Variants in OR3A2 observed in about 807,000 individuals in gnomAD.
OR3A2 encodes the protein olfactory receptor family 3 subfamily A member 2, also known as olfactory receptor 3A2.
For missense variants in OR3A2, 318 were observed against 392.8 expected, an observed-to-expected ratio of 0.81 and a Z score of 1.61; for synonymous variants, 126 against 159.3, an observed-to-expected ratio of 0.79 and a Z score of 1.57.
At chr17:3,360,605 A>G (rs573766128) in intron 2 of OR3A2, among the ~76,000 whole-genome samples, 18 of 151,788 alleles carry the variant, frequency 1.2e-4, no homozygotes, top group African/African-American at 4.4e-4. Context: ...TAAGGTGTAA[A>G]GAAGGGATCC....
At chr17:3,308,398 C>CG (rs2049013960) in intron 3 of OR3A2, among the ~76,000 whole-genome samples, 2 of 152,250 alleles carry the variant, frequency 1.3e-5, no homozygotes, top group Non-Finnish European at 1.5e-5. Flanking sequence ...GGGTGAGTCT[C>CG]ATCTCAAGAC....
rs1308962105 is a variant in OR3A2, at chr17:3,375,166, TTTTC to T, written c.-179+8634_-179+8637del. On this transcript the variant is annotated intron_variant, in intron 2 of 4. Transcript: ENST00000573491. ...TTTTTTTTTTTTTTTTTTTTTTTTT[TTTTC>T]TTTTTGAGACAGTCTCACTCAGTTG... Among the ~76,000 whole-genome samples, 45 of 113,188 alleles carry T rather than the reference TTTTC, an allele frequency of 4.0e-4. 5 individuals are homozygous for T. Among genetic ancestry groups the T allele is most frequent in the African/African-American group, 1.8e-3 (42 of 23,714 alleles). The allele number at this position is 113,188 out of a possible 152,430, so 74.3% of individuals were successfully genotyped here.
At chr17:3,338,305 G>C (rs570438969) in intron 2 of OR3A2, among the ~76,000 whole-genome samples, 1 of 152,178 alleles carries the variant, frequency 6.6e-6, no homozygotes, top group South Asian at 2.1e-4. Flanking sequence ...TTTGGCTTTT[G>C]TTGCCATTGC....
chr17:3,319,613 A>G (rs763643251), intron 3 of OR3A2, among the ~76,000 whole-genome samples: 21 of 152,126 alleles, frequency 1.4e-4, no homozygotes, highest in Non-Finnish European at 1.8e-4. Context: ...CTTATGAGTG[A>G]GAACATGAGG....
chr17:3,342,979 AG>A (rs1357169689), intron 2 of OR3A2, among the ~76,000 whole-genome samples: 1 of 152,188 alleles, frequency 6.6e-6, no homozygotes, highest in Non-Finnish European at 1.5e-5. Flanking sequence ...CCCCTCCTCC[AG>A]CCAGGCTTGC....
At chr17:3,377,309 G>T (rs755279341) in intron 2 of OR3A2, among the ~76,000 whole-genome samples, 10 of 152,108 alleles carry the variant, frequency 6.6e-5, no homozygotes, top group African/African-American at 1.7e-4. Flanking sequence ...AAATAATAAT[G>T]CCCTACTTCA....
intron 3 of OR3A2, chr17:3,292,594 A>C: frequency 6.3e-7 from 1 of 1,582,386 alleles, no homozygotes. Flanking sequence ...AGTTCCTGCA[A>C]AGAAACATCC....
intron 3 of OR3A2, among the ~76,000 whole-genome samples, chr17:3,303,199 C>T (rs994776335): frequency 6.6e-6 from 1 of 152,082 alleles, no homozygotes; most frequent in African/African-American, 2.4e-5. Flanking sequence ...GATACTTATA[C>T]TGAAGAGTAA....
At chr17:3,336,895 C>A (rs1189100342) in intron 2 of OR3A2, among the ~76,000 whole-genome samples, 3 of 152,206 alleles carry the variant, frequency 2.0e-5, no homozygotes. Flanking sequence ...TCCTACCTAA[C>A]CCCAATTTAG....
intron 3 of OR3A2, among the ~76,000 whole-genome samples, chr17:3,315,549 T>C (rs2049074791): frequency 6.6e-6 from 1 of 152,086 alleles, no homozygotes; most frequent in Non-Finnish European, 1.5e-5. Context: ...GATTTTTGCT[T>C]GTTGATTTGT....
intron 3 of OR3A2, among the ~76,000 whole-genome samples, chr17:3,323,711 T>TTCTGCTGAGAGATCAGCTGTTAGTC (rs2049146115): frequency 6.6e-6 from 1 of 152,146 alleles, no homozygotes; most frequent in Non-Finnish European, 1.5e-5. Flanking sequence ...CTTGTAGAGT[T>TTCTGCTGAGAGATCAGCTGTTAGTC]TCTGCTGAGA....
At chr17:3,331,568 G>C (rs1046463099) in intron 3 of OR3A2, among the ~76,000 whole-genome samples, 3 of 150,892 alleles carry the variant, frequency 2.0e-5, no homozygotes, top group African/African-American at 7.3e-5. Flanking sequence ...AGCTCCATCA[G>C]CTCCTTTAAG....
chr17:3,343,158 C>G (rs1212978612), intron 2 of OR3A2, among the ~76,000 whole-genome samples: 1 of 152,206 alleles, frequency 6.6e-6, no homozygotes, highest in Non-Finnish European at 1.5e-5. Context: ...CCGGTACAGT[C>G]TGTCATGGCT....
intron 3 of OR3A2, among the ~76,000 whole-genome samples, chr17:3,304,890 A>C (rs1234057579): frequency 6.6e-6 from 1 of 152,254 alleles, no homozygotes; most frequent in Non-Finnish European, 1.5e-5. Context: ...GAGTAAAGGA[A>C]GCCTTACATA....
intron 3 of OR3A2, among the ~76,000 whole-genome samples, chr17:3,322,269 CTTT>C (rs1486925444): frequency 6.6e-6 from 1 of 151,818 alleles, no homozygotes; most frequent in African/African-American, 2.4e-5. Context: ...CTCTTTTCTT[CTTT>C]ATTAGTCTTG....
intron 3 of OR3A2, among the ~76,000 whole-genome samples, chr17:3,322,431 T>C (rs1349512034): frequency 6.6e-6 from 1 of 152,220 alleles, no homozygotes; most frequent in Admixed American, 6.5e-5. Context: ...ACGTGTTTGC[T>C]CTTGCTTCTC....
At chr17:3,310,957 T>C (rs764024521) in intron 3 of OR3A2, 2 of 569,768 alleles carry the variant, frequency 3.5e-6, no homozygotes, top group South Asian at 2.7e-5. Flanking sequence ...CCCTTGGTCC[T>C]CATCACTGTG....
upstream of OR3A2, among the ~76,000 whole-genome samples, chr17:3,284,989 CTT>C (rs2048799261): frequency 6.6e-6 from 1 of 152,126 alleles, no homozygotes; most frequent in African/African-American, 2.4e-5. Flanking sequence ...TAGTGAGGCG[CTT>C]TCTCTCCTGG....
At chr17:3,334,412 C>G (rs1316483124) in intron 3 of OR3A2, among the ~76,000 whole-genome samples, 3 of 152,110 alleles carry the variant, frequency 2.0e-5, no homozygotes, top group Non-Finnish European at 4.4e-5. Context: ...TCTTTCTTTG[C>G]TTGGCTAATT....
Sources: gnomAD v4.1 joint callset for allele counts (sites outside exome capture counted in the v4.1 genomes callset) on GRCh38, gnomAD v4.1.1 for gene constraint, MANE v1.5 for transcripts, NCBI Gene and HGNC (gene_info 2026-07-23, HGNC 2026-07-21) for gene names.